The following MRTFB variants were observed in gnomAD, a reference collection of about 807,000 sequenced individuals.
MRTFB encodes the protein myocardin-related transcription factor B.
A neutral mutation model predicts 104.2 loss-of-function variants in MRTFB; 29 were observed. That is an observed-to-expected ratio of 0.28 (90% CI 0.21 to 0.38). The LOEUF is 0.38. Ranked by LOEUF, MRTFB falls within the 10% of genes least tolerant of loss-of-function variation. The probability of loss-of-function intolerance (pLI) is 1.00; values close to 1 mark genes in which losing one functional copy is unlikely to be tolerated. For missense variants in MRTFB, 1,270 were observed against 1,341.6 expected (o/e 0.95, Z 0.83); for synonymous variants, 535 against 519.5 (o/e 1.03, Z -0.41).
intron 2 of MRTFB, among the ~76,000 whole-genome samples, chr16:14,121,933 G>GC (rs1161327839): frequency 1.3e-5 from 2 of 152,152 alleles, no homozygotes; most frequent in Non-Finnish European, 2.9e-5. Context: ...GTGGTGAGTA[G>GC]CTACTGTATG....
At chr16:14,234,434 G>A in intron 9 of MRTFB, 151 bp downstream of exon 9, 1 of 925,872 alleles carries the variant, frequency 1.1e-6, no homozygotes, top group Admixed American at 2.9e-5. Context: ...AGACTTGCTA[G>A]ACTGGGGTCT....
chr16:14,255,207 G>A (rs1026116727), intron 15 of MRTFB, among the ~76,000 whole-genome samples: 1 of 152,202 alleles, frequency 6.6e-6, no homozygotes, highest in Non-Finnish European at 1.5e-5. Flanking sequence ...AGTCCCAGAA[G>A]AAGAGAGAAA....
chr16:14,214,503 A>G (rs2041331483), intron 6 of MRTFB, among the ~76,000 whole-genome samples: 1 of 152,176 alleles, frequency 6.6e-6, no homozygotes, highest in Admixed American at 6.6e-5. Flanking sequence ...ATAAGAAGTA[A>G]TATCTTAAAG....
At chr16:14,033,586 C>T in the MRTFB span, among the ~76,000 whole-genome samples, 1 of 151,848 alleles carries the variant, frequency 6.6e-6, no homozygotes, top group African/African-American at 2.4e-5. Context: ...CCTCTAATCC[C>T]AGCACTTTGG....
At chr16:14,248,747 C>T in intron 12 of MRTFB, 179 bp from the exon 13 acceptor site, 1 of 583,486 alleles carries the variant, frequency 1.7e-6, no homozygotes, top group Non-Finnish European at 2.9e-6. Context: ...TGATGTTTCC[C>T]TCTCTGGTTT....
chr16:14,261,005 C>G lies in MRTFB; in HGVS notation c.2861C>G (p.Ser954Cys). Residue 954 changes from serine to cysteine, a missense_variant, in exon 17 of 17, where the codon TCC becomes TGC. By Grantham distance (112) the Ser-to-Cys change is moderately radical. Around this residue, in one of 3 missense-constraint regions of MRTFB, gnomAD observed 1,144 missense variants for 1,131.5 expected, o/e 1.01. Coordinates refer to ENST00000571589, the MANE Select transcript of MRTFB (RefSeq NM_001308142.2). Reference sequence around the variant, plus strand: ...ACAATGCCAGTGAATACAGTGGTGTCCCGGCCACCACCCCAAGTCCAAATG... The same window carrying G: ...ACAATGCCAGTGAATACAGTGGTGTGCCGGCCACCACCCCAAGTCCAAATG... ...ITTMPVNTVVSRPPPQVQMAP... is the reference protein window; with the variant it reads ...ITTMPVNTVVCRPPPQVQMAP... 1 of 1,614,166 alleles carries G rather than the reference C, an allele frequency of 6.2e-7. No homozygotes were observed. The highest frequency in any genetic ancestry group is 8.5e-7 in the Non-Finnish European group (1 of 1,180,048).
At chr16:14,066,538 G>T (rs1355326257), upstream of MRTFB, among the ~76,000 whole-genome samples, 1 of 152,074 alleles carries the variant, frequency 6.6e-6, no homozygotes, top group East Asian at 1.9e-4. Flanking sequence ...CTCCCAAAGT[G>T]CTGGGATTAT....
chr16:14,055,840 A>G, the MRTFB span, among the ~76,000 whole-genome samples: 1 of 151,912 alleles, frequency 6.6e-6, no homozygotes, highest in Non-Finnish European at 1.5e-5. Context: ...ATACTTCACG[A>G]CTATCTTGTT....
chr16:14,095,445 G>T (rs2035308417), intron 2 of MRTFB, among the ~76,000 whole-genome samples: 1 of 152,194 alleles, frequency 6.6e-6, no homozygotes, highest in African/African-American at 2.4e-5. Context: ...TTATAGAGTT[G>T]TTCTGAGGAT....
At chr16:14,133,692 A>G (rs1206985697) in intron 2 of MRTFB, among the ~76,000 whole-genome samples, 1 of 152,174 alleles carries the variant, frequency 6.6e-6, no homozygotes, top group Admixed American at 6.6e-5. Context: ...TAAATAAAAT[A>G]TTTGTTTACT....
At chr16:14,036,193 T>TTA in the MRTFB span, among the ~76,000 whole-genome samples, 1 of 123,716 alleles carries the variant, frequency 8.1e-6, no homozygotes, top group African/African-American at 3.1e-5. Flanking sequence ...ATAAAATACA[T>TTA]TATATATAAT....
At chr16:14,064,729 TGC>T in the MRTFB span, among the ~76,000 whole-genome samples, 1 of 152,208 alleles carries the variant, frequency 6.6e-6, no homozygotes, top group Non-Finnish European at 1.5e-5. Flanking sequence ...CTTTCCCCAT[TGC>T]TTGTTTTGGT....
At chr16:14,095,072 A>G (rs1017058007) in intron 2 of MRTFB, among the ~76,000 whole-genome samples, 6 of 152,204 alleles carry the variant, frequency 3.9e-5, no homozygotes, top group African/African-American at 1.4e-4. Context: ...ACCAAAGAGA[A>G]CTTGCCTGAC....
At chr16:14,069,051 C>A (rs1388821991), upstream of MRTFB, among the ~76,000 whole-genome samples, 1 of 147,348 alleles carries the variant, frequency 6.8e-6, no homozygotes, top group Non-Finnish European at 1.5e-5. Context: ...CTCAGTGCAA[C>A]CTCCTCTTCC....
At chr16:14,003,640 G>GCCTGCCTGCCTGCCTGCCTC in the MRTFB span, among the ~76,000 whole-genome samples, 48 of 146,790 alleles carry the variant, frequency 3.3e-4, no homozygotes, top group South Asian at 3.0e-3. Flanking sequence ...CTGCCTGCCT[G>GCCTGCCTGCCTGCCTGCCTC]CCTCCCTCCC....
chr16:13,999,217 C>T, the MRTFB span, among the ~76,000 whole-genome samples: 1 of 150,974 alleles, frequency 6.6e-6, no homozygotes, highest in Admixed American at 6.6e-5. Context: ...AGAACAGTCA[C>T]TTCTAACCTC....
At chr16:14,166,858 G>T (rs777205313) in intron 3 of MRTFB, among the ~76,000 whole-genome samples, 3 of 152,176 alleles carry the variant, frequency 2.0e-5, no homozygotes, top group African/African-American at 7.2e-5. Flanking sequence ...TTTTATGGCT[G>T]CACAGTATTC....
intron 8 of MRTFB, among the ~76,000 whole-genome samples, chr16:14,233,204 T>C (rs2042342657): frequency 1.3e-5 from 2 of 152,234 alleles, no homozygotes; most frequent in Non-Finnish European, 2.9e-5. Flanking sequence ...AAGTAGCTTC[T>C]TGTTTTAACT....
At chr16:14,017,655 GTGTGTGTGTATT>G in the MRTFB span, among the ~76,000 whole-genome samples, 1 of 76,032 alleles carries the variant, frequency 1.3e-5, no homozygotes, top group Non-Finnish European at 2.7e-5. Flanking sequence ...ATATGTGTGT[GTGTGTGTGTATT>G]TGTGTGTGTG....
Sources: gnomAD v4.1 joint callset for allele counts (sites outside exome capture counted in the v4.1 genomes callset) on GRCh38, gnomAD v4.1.1 for gene constraint, gnomAD v4.1.1 regional missense constraint, MANE v1.5 for transcripts, NCBI Gene and HGNC (gene_info 2026-07-23, HGNC 2026-07-21) for gene names.